The following PTPRJ variants were observed in gnomAD, a reference collection of about 807,000 sequenced individuals.
PTPRJ encodes the protein protein tyrosine phosphatase receptor type J, also known as receptor-type tyrosine-protein phosphatase eta.
In PTPRJ, 129 loss-of-function variants were observed where a neutral mutation model predicts 141.3. That is an observed-to-expected ratio of 0.91 (90% confidence interval 0.79 to 1.06). The LOEUF is 1.06. Ranked by LOEUF, PTPRJ falls within the 50% of genes least tolerant of loss-of-function variation. The pLI is 0.00. For synonymous variants in PTPRJ, 610 were observed against 640.5 expected, an observed-to-expected ratio of 0.95 and a Z score of 0.72; for missense variants, 1,601 against 1,679.7, an observed-to-expected ratio of 0.95 and a Z score of 0.82.
chr11:48,018,613 CA>C (rs1359078964), intron 1 of PTPRJ, among the ~76,000 whole-genome samples: 8 of 152,122 alleles, frequency 5.3e-5, no homozygotes, highest in Non-Finnish European at 5.9e-5. Flanking sequence ...AGACTAGAAA[CA>C]GTCACAAGAG....
At chr11:48,110,478 C>G (rs1373525040) in intron 2 of PTPRJ, among the ~76,000 whole-genome samples, 2 of 152,160 alleles carry the variant, frequency 1.3e-5, no homozygotes, top group Admixed American at 1.3e-4. Context: ...GGATTACAGG[C>G]GCGAGCCACC....
In PTPRJ at chr11:47,991,533, A is replaced by G. The variant is rs111272098; in HGVS notation, c.96+10525A>G. On this transcript the variant is annotated intron_variant, in intron 1 of 24. Coordinates refer to ENST00000418331, the MANE Select transcript of PTPRJ (RefSeq NM_002843.4). ...TTCCACGGCAGCAAGGTGATTGTGC[A>G]TTTCCTGCTGCTGGCTGAGGGGCCA... Among the ~76,000 whole-genome samples, 1,175 of 152,158 alleles carry G rather than the reference A, an allele frequency of 7.7e-3. 18 individuals carry two copies. The highest frequency in any genetic ancestry group is 0.026 in the African/African-American group (1,091 of 41,494).
At chr11:47,990,448 A>G (rs1016921813) in intron 1 of PTPRJ, among the ~76,000 whole-genome samples, 2 of 151,722 alleles carry the variant, frequency 1.3e-5, no homozygotes, top group Non-Finnish European at 2.9e-5. Flanking sequence ...TTTGAGGGGG[A>G]GTCTTGCTCT....
intron 1 of PTPRJ, among the ~76,000 whole-genome samples, chr11:48,066,196 A>C (rs918891448): frequency 3.3e-5 from 5 of 152,180 alleles, no homozygotes; most frequent in Admixed American, 6.5e-5. Context: ...TGCAGCAAGT[A>C]CTTAAATAAT....
intron 1 of PTPRJ, among the ~76,000 whole-genome samples, chr11:48,054,169 G>A (rs1026834096): frequency 3.3e-5 from 5 of 151,936 alleles, no homozygotes; most frequent in African/African-American, 1.2e-4. Context: ...CCTGACCTCA[G>A]GTGATTTGCC....
chr11:48,032,033 A>T, intron 1 of PTPRJ, among the ~76,000 whole-genome samples: 1 of 152,152 alleles, frequency 6.6e-6, no homozygotes, highest in East Asian at 1.9e-4. Flanking sequence ...AAATGAAGTA[A>T]CTGCAGGCAG....
chr11:48,054,465 TTG>T (rs1279909945), intron 1 of PTPRJ, among the ~76,000 whole-genome samples: 1 of 152,190 alleles, frequency 6.6e-6, no homozygotes, highest in Non-Finnish European at 1.5e-5. Flanking sequence ...GCCAAGTAGT[TTG>T]TCTGCGTTAT....
Position 47,996,334 on chromosome 11 carries a change from CAAAAAAAAAAA to C in PTPRJ, c.96+15338_96+15348del. The stretch of plus-strand genomic sequence containing the variant: ...TGGGGGACAGAGCGAGACTCTGTCT[CAAAAAAAAAAA>C]AAAAAAAAAAAGAGGAACTTGGGAA... On this transcript the variant is annotated intron_variant, in intron 1 of 24. Transcript: ENST00000418331. 3.6e-5 allele frequency among the ~76,000 whole-genome samples: 2 copies of C among 56,210 alleles called. 1 individual carries two copies. The highest frequency in any genetic ancestry group is 0.018 in the Middle Eastern group (2 of 110). 36.9% of individuals were successfully genotyped at this position (56,210 alleles called of 152,430 possible).
At chr11:48,113,020 AG>A (rs1209624656) in intron 3 of PTPRJ, 37 bp downstream of exon 3, 1 of 1,497,170 alleles carries the variant, frequency 6.7e-7, no homozygotes, top group Admixed American at 1.8e-5. Context: ...TGTTTCTTAA[AG>A]GAAATCGGTA....
At position 48,142,941 on chromosome 11, in the gene PTPRJ, C is replaced by A. The variant is rs777090273; in HGVS notation, c.2466C>A (p.Ser822=). 41 of 1,613,874 alleles carry A rather than the reference C, an allele frequency of 2.5e-5. No homozygotes were observed. The highest frequency in any genetic ancestry group is 3.2e-5 in the Non-Finnish European group (38 of 1,179,920). Residue 822 remains serine (S), a synonymous_variant, in exon 12 of 25, where the codon TCC becomes TCA. Coordinates refer to ENST00000418331, the MANE Select transcript of PTPRJ (RefSeq NM_002843.4). ...GITDPPPPDG[S]PNITSVSHNS... is the part of the protein sequence containing the mutation. Reference sequence around the variant, plus strand: ...TAGATCCCCCTCCTCCAGATGGATCCCCTAATATTACATCTGTCAGTCACA... The same window carrying A: ...TAGATCCCCCTCCTCCAGATGGATCACCTAATATTACATCTGTCAGTCACA...
chr11:48,053,282 TATATAA>T (rs1854642179), intron 1 of PTPRJ, among the ~76,000 whole-genome samples: 1 of 88,974 alleles, frequency 1.1e-5, no homozygotes, highest in Non-Finnish European at 2.0e-5. Flanking sequence ...AATATATAAA[TATATAA>T]AAATATATAA....
chr11:48,150,286 G>A (rs1857449659), intron 18 of PTPRJ, 103 bp downstream of exon 18: 11 of 922,810 alleles, frequency 1.2e-5, no homozygotes, highest in Non-Finnish European at 1.9e-5. Flanking sequence ...AAGAACACTC[G>A]AGGGACTGTA....
At chr11:48,147,987 A>G (rs768036236) in intron 15 of PTPRJ, among the ~76,000 whole-genome samples, 4 of 152,030 alleles carry the variant, frequency 2.6e-5, no homozygotes, top group Non-Finnish European at 4.4e-5. Flanking sequence ...CTGGGATTAC[A>G]GGCACCGCCA....
chr11:48,109,483 A>G (rs1246956052), intron 1 of PTPRJ, among the ~76,000 whole-genome samples: 1 of 152,184 alleles, frequency 6.6e-6, no homozygotes, highest in Non-Finnish European at 1.5e-5. Context: ...AATTCTTCCC[A>G]AAGCTGCTTG....
intron 14 of PTPRJ, 53 bp from the exon 15 acceptor site, chr11:48,146,823 G>T: frequency 1.4e-6 from 2 of 1,475,788 alleles, no homozygotes; most frequent in East Asian, 2.3e-5. Context: ...TTAGCACATT[G>T]TGTGGTCTGC....
chr11:48,069,642 G>A (rs561779820), intron 1 of PTPRJ, among the ~76,000 whole-genome samples: 6 of 151,684 alleles, frequency 4.0e-5, no homozygotes, highest in African/African-American at 4.8e-5. Flanking sequence ...TAGTAGAGAC[G>A]GGGTTTCACC....
intron 1 of PTPRJ, among the ~76,000 whole-genome samples, chr11:47,995,140 G>A (rs1854299505): frequency 6.6e-6 from 1 of 152,012 alleles, no homozygotes; most frequent in Admixed American, 6.6e-5. Flanking sequence ...TTTTTGTCAC[G>A]ATAGGCCCTA....
intron 2 of PTPRJ, 123 bp downstream of exon 2, chr11:48,110,199 TTTTTCTTTTTC>T: frequency 1.8e-6 from 2 of 1,107,334 alleles, no homozygotes; most frequent in Non-Finnish European, 2.6e-6. Flanking sequence ...CCAATTTTTC[TTTTTCTTTTTC>T]TTTTCTTTTT....
At chr11:48,144,638 A>T in intron 12 of PTPRJ, 37 bp from the exon 13 acceptor site, 2 of 1,522,210 alleles carry the variant, frequency 1.3e-6, no homozygotes, top group Non-Finnish European at 1.8e-6. Flanking sequence ...CTCTGCCATC[A>T]CTTTCTTATG....
Sources: gnomAD v4.1 joint callset for allele counts (sites outside exome capture counted in the v4.1 genomes callset) on GRCh38, gnomAD v4.1.1 for gene constraint, MANE v1.5 for transcripts, NCBI Gene and HGNC (gene_info 2026-07-23, HGNC 2026-07-21) for gene names.